The following PLPP1 variants were observed in gnomAD, a reference collection of about 807,000 sequenced individuals.
PLPP1 encodes phospholipid phosphatase 1.
PLPP1 carries 24 observed loss-of-function variants against 31.2 expected under a neutral mutation model. The observed-to-expected ratio is 0.77, with a 90% confidence interval of 0.56 to 1.08. The LOEUF is 1.08. PLPP1 is among the 50% of genes least tolerant of loss of function. The pLI is 0.00. For missense variants in PLPP1, 319 were observed against 342.7 expected (o/e 0.93, Z 0.55); for synonymous variants, 146 against 126.3 (o/e 1.16, Z -1.05).
intron 3 of PLPP1, among the ~76,000 whole-genome samples, chr5:55,457,751 T>C (rs1470495851): frequency 6.6e-6 from 1 of 151,988 alleles, no homozygotes; most frequent in East Asian, 1.9e-4. Context: ...TAGCTGGACG[T>C]GGTGGCGGGC....
At chr5:55,457,987 T>C (rs1752059107) in intron 3 of PLPP1, among the ~76,000 whole-genome samples, 1 of 152,172 alleles carries the variant, frequency 6.6e-6, no homozygotes, top group African/African-American at 2.4e-5. Context: ...GAGAAAAGAT[T>C]AGAGTTTTCC....
At chr5:55,443,449 A>C (rs1751681791) in intron 3 of PLPP1, among the ~76,000 whole-genome samples, 2 of 152,188 alleles carry the variant, frequency 1.3e-5, no homozygotes, top group South Asian at 4.1e-4. Flanking sequence ...AGTAATTTTA[A>C]ATCAGATAAT....
In PLPP1 at chr5:55,425,304, T is replaced by G. The variant is rs139747822; in HGVS notation, c.757A>C (p.Arg253=). 114 of 1,607,698 alleles carry G rather than the reference T, an allele frequency of 7.1e-5. 1 individual carries two copies. Among genetic ancestry groups the G allele is most frequent in the Non-Finnish European group, 3.1e-5 (37 of 1,174,642 alleles). ...TCTTTTCTTTCTTTAAAAGAAGTTC[T>G]TTCTTTGAAGAAATCCGATACATAT... ...AVYVSDFFKE[R]TSFKERKEED... Residue 253 remains arginine, a synonymous_variant, in exon 6 of 6, where the codon AGA becomes CGA. Coordinates refer to ENST00000307259, the MANE Select transcript of PLPP1 (RefSeq NM_003711.4).
chr5:55,449,868 T>C (rs1017483027), intron 3 of PLPP1, among the ~76,000 whole-genome samples: 5 of 151,992 alleles, frequency 3.3e-5, no homozygotes, highest in Non-Finnish European at 5.9e-5. Context: ...TCTAGAACTA[T>C]AAGAAACACA....
intron 3 of PLPP1, among the ~76,000 whole-genome samples, chr5:55,450,650 A>C (rs541977313): frequency 2.0e-5 from 3 of 152,298 alleles, no homozygotes; most frequent in Admixed American, 6.5e-5. Context: ...AGGAAAGATC[A>C]TAAGTTTCCT....
In PLPP1 at chr5:55,425,269, A is replaced by G; in HGVS notation, c.792T>C (p.Ser264=). The G allele has an allele frequency of 6.2e-7, 1 of 1,612,882 alleles. No homozygotes were observed. Among genetic ancestry groups the G allele is most frequent in the Non-Finnish European group, 8.5e-7 (1 of 1,178,972 alleles). The part of the protein sequence containing the change: ...TSFKERKEED[S]HTTLHETPTT... ...TTGGTGTTTCATGCAGAGTTGTATGAGAGTCCTCCTCTTTTCTTTCTTTAA... is the reference window on the plus strand; with the variant it reads ...TTGGTGTTTCATGCAGAGTTGTATGGGAGTCCTCCTCTTTTCTTTCTTTAA... Residue 264 remains serine, a synonymous_variant, in exon 6 of 6, where the codon TCT becomes TCC. Transcript: ENST00000307259.
intron 3 of PLPP1, among the ~76,000 whole-genome samples, chr5:55,448,241 T>C (rs1751812782): frequency 6.6e-6 from 1 of 152,188 alleles, no homozygotes; most frequent in East Asian, 1.9e-4. Context: ...ACATCTAAGA[T>C]ACTTAAGGAA....
chr5:55,463,948 A>G (rs576024579), intron 3 of PLPP1, among the ~76,000 whole-genome samples: 4 of 151,932 alleles, frequency 2.6e-5, no homozygotes, highest in Admixed American at 1.3e-4. Flanking sequence ...ACAAGCAACT[A>G]ATTTTTTTTT....
intron 1 of PLPP1, among the ~76,000 whole-genome samples, chr5:55,505,858 A>G (rs1349703520): frequency 6.6e-6 from 1 of 152,206 alleles, no homozygotes; most frequent in Non-Finnish European, 1.5e-5. Flanking sequence ...GGTGTTCAAG[A>G]CCAGCCTGGC....
chr5:55,496,377 T>C lies in PLPP1; in HGVS notation c.59-20927A>G, dbSNP rs185791554. Among the ~76,000 whole-genome samples, 7 of 152,290 alleles carry C rather than the reference T, an allele frequency of 4.6e-5. No individual in the cohort carries two copies. The East Asian group carries it at 1.2e-3, about 25-fold the overall frequency. The stretch of plus-strand genomic sequence containing the variant: ...TTAAGAGGAGTCACTTTTAAAACTA[T>C]GTAATAACCGCCGGGCGTGGTGGCT... On this transcript the variant is annotated intron_variant, in intron 1 of 5. Coordinates refer to ENST00000307259, the MANE Select transcript of PLPP1 (RefSeq NM_003711.4).
chr5:55,534,606 C>T lies in PLPP1; in HGVS notation c.24G>A (p.Pro8=). The T allele has an allele frequency of 1.3e-6, 2 of 1,557,680 alleles. No homozygotes were observed. The highest frequency in any genetic ancestry group is 1.4e-5 in the African/African-American group (1 of 71,820). The part of the protein sequence containing the change: MFDKTRL[P]YVALDVLCVL... ...CGCAGAGCACATCGAGGGCCACGTA[C>T]GGCAGCCGCGTCTTGTCAAACATGG... Residue 8 remains proline, a synonymous_variant, in exon 1 of 6, where the codon CCG becomes CCA. Coordinates refer to ENST00000307259, the MANE Select transcript of PLPP1 (RefSeq NM_003711.4).
At chr5:55,425,791 A>ATTTTTTTT in intron 5 of PLPP1, 72 bp downstream of exon 5, 2 of 1,009,700 alleles carry the variant, frequency 2.0e-6, no homozygotes, top group Non-Finnish European at 2.7e-6. Flanking sequence ...GATTTTTTGG[A>ATTTTTTTT]TTTTTTTTTT....
intron 1 of PLPP1, among the ~76,000 whole-genome samples, chr5:55,526,931 CAAAAAAA>C (rs34267008): frequency 2.9e-3 from 219 of 75,504 alleles, no homozygotes; most frequent in African/African-American, 0.012. Context: ...GATTCCATCT[CAAAAAAA>C]AAAAAAAAAA....
At chr5:55,446,944 C>T (rs191747111) in intron 3 of PLPP1, among the ~76,000 whole-genome samples, 2 of 152,284 alleles carry the variant, frequency 1.3e-5, no homozygotes, top group East Asian at 1.9e-4. Context: ...CACCAGGAAC[C>T]GGCAGATACT....
intron 1 of PLPP1, among the ~76,000 whole-genome samples, chr5:55,495,056 G>A (rs1040900757): frequency 1.7e-4 from 26 of 151,052 alleles, no homozygotes; most frequent in African/African-American, 2.4e-4. Flanking sequence ...GCTTGAACCC[G>A]GGAGGCAGAG....
intron 1 of PLPP1, among the ~76,000 whole-genome samples, chr5:55,491,874 AAAGAAAG>A (rs1342637238): frequency 3.5e-5 from 5 of 143,542 alleles, no homozygotes; most frequent in African/African-American, 1.1e-4. Context: ...AAAAAAAAAA[AAAGAAAG>A]AAAAGAAAGA....
intron 1 of PLPP1, chr5:55,508,732 A>T (rs141966999): frequency 6.5e-6 from 1 of 154,136 alleles, no homozygotes; most frequent in East Asian, 1.9e-4. Flanking sequence ...CTGAGGTATC[A>T]TAGGGAGGTC....
At chr5:55,436,052 A>G (rs1751486792) in intron 4 of PLPP1, among the ~76,000 whole-genome samples, 1 of 150,696 alleles carries the variant, frequency 6.6e-6, no homozygotes, top group Admixed American at 6.6e-5. Context: ...TAGCCGGGAT[A>G]TTACTAGAGA....
At chr5:55,425,492 T>TAAAG (rs751681508) in intron 5 of PLPP1, 158 bp from the exon 6 acceptor site, 13 of 649,216 alleles carry the variant, frequency 2.0e-5, no homozygotes, top group Non-Finnish European at 2.6e-5. Context: ...TGGGATTTTT[T>TAAAG]AAAGATTATT....
Sources: gnomAD v4.1 joint callset for allele counts (sites outside exome capture counted in the v4.1 genomes callset) on GRCh38, gnomAD v4.1.1 for gene constraint, MANE v1.5 for transcripts, NCBI Gene and HGNC (gene_info 2026-07-23, HGNC 2026-07-21) for gene names.